Variants in REEP2 observed in about 807,000 individuals in gnomAD.
The protein encoded by REEP2 is receptor expression-enhancing protein 2.
Under a neutral mutation model 32.1 loss-of-function variants are expected in REEP2, and 9 were observed. The observed-to-expected ratio is 0.28, with a 90% CI of 0.17 to 0.49. REEP2 has a LOEUF of 0.49. Ranked by LOEUF, REEP2 falls within the 20% of genes least tolerant of loss-of-function variation. The pLI is 0.99. For missense variants in REEP2, 236 were observed against 338.0 expected (o/e 0.70, Z 2.37); for synonymous variants, 128 against 139.1 (o/e 0.92, Z 0.56).
intron 1 of REEP2, chr5:138,439,613 G>A: frequency 2.1e-6 from 1 of 478,916 alleles, no homozygotes. Context: ...CCCGGGCCCT[G>A]TCCCTCTGGG....
intron 3 of REEP2, among the ~76,000 whole-genome samples, chr5:138,442,379 T>C (rs12514520): frequency 0.29 from 44,002 of 151,990 alleles, 7,167 homozygotes; most frequent in South Asian, 0.42. Flanking sequence ...TTGAGAAAAA[T>C]AGTTTTAGAA....
In REEP2 at chr5:138,441,284, T is replaced by C; in HGVS notation, c.106-101T>C. The stretch of plus-strand genomic sequence containing the variant: ...GCAGGCAGAAGTGGGGTCCTTGGTG[T>C]TCTCCCCAGCCCAGGCATGTTCAAC... On this transcript the variant is annotated intron_variant, in intron 2 of 7. Coordinates refer to ENST00000378339, the MANE Select transcript of REEP2 (RefSeq NM_001271803.2). This position sits in a 1 kb window ranked among gnomAD's most constrained non-coding sequence, Gnocchi z 4.4. 1 of 1,313,250 alleles carries C rather than the reference T, an allele frequency of 7.6e-7. No individual in the cohort carries two copies. Among genetic ancestry groups the C allele is most frequent in the Non-Finnish European group, 1.1e-6 (1 of 908,554 alleles). The allele number at this position is 1,313,250 out of a possible 1,614,324, so 81.3% of individuals were successfully genotyped here. A position where few individuals can be genotyped will look rare whatever the true frequency, so the allele number is the denominator to read the frequency against.
intron 3 of REEP2, among the ~76,000 whole-genome samples, chr5:138,444,015 C>T (rs1763875749): frequency 6.6e-6 from 1 of 151,744 alleles, no homozygotes; most frequent in African/African-American, 2.4e-5. Flanking sequence ...TAGAGAAGTC[C>T]CAGGCCTCTC....
chr5:138,440,295 A>C (rs1167324690), intron 1 of REEP2, among the ~76,000 whole-genome samples: 1 of 152,100 alleles, frequency 6.6e-6, no homozygotes, highest in East Asian at 1.9e-4. Context: ...CACCCATCCC[A>C]GGGGGAATGG....
In REEP2 at chr5:138,445,191, T is replaced by TC. The variant is rs757817604; in HGVS notation, c.418-31dup. 2.5e-4 allele frequency: 384 copies of TC among 1,545,982 alleles called. 2 individuals are homozygous for TC. The highest frequency in any genetic ancestry group is 1.7e-3 in the South Asian group (133 of 80,060). On this transcript the variant is annotated intron_variant, in intron 5 of 7. Transcript: ENST00000378339. ...TGACCTCTATCTCCACCCCGCCCCT[T>TC]CCCCCCGGCTCTCCCGGTGCGTGGT...
In REEP2 at chr5:138,441,248, C is replaced by T; in HGVS notation, c.106-137C>T. 7.9e-7 allele frequency: 1 copy of T among 1,270,368 alleles called. No individual in the cohort carries two copies. The highest frequency in any genetic ancestry group is 1.1e-6 in the Non-Finnish European group (1 of 878,764). 78.7% of individuals were successfully genotyped at this position (1,270,368 alleles called of 1,614,324 possible). On this transcript the variant is annotated intron_variant, in intron 2 of 7. Transcript: ENST00000378339. The surrounding 1 kb of genome is among the most constrained non-coding windows in gnomAD (Gnocchi z 4.4). ...CCCTGGGTGTCCCACACAGCGCCTC[C>T]AACATGGCTGGCAGGCAGAAGTGGG...
At position 138,441,277 on chromosome 5, in the gene REEP2, C is replaced by T; in HGVS notation, c.106-108C>T. 7.8e-7 allele frequency: 1 copy of T among 1,290,224 alleles called. No individual in the cohort carries two copies. The highest frequency in any genetic ancestry group is 1.1e-6 in the Non-Finnish European group (1 of 889,286). 79.9% of individuals were successfully genotyped at this position (1,290,224 alleles called of 1,614,324 possible). On this transcript the variant is annotated intron_variant, in intron 2 of 7. Coordinates refer to ENST00000378339, the MANE Select transcript of REEP2 (RefSeq NM_001271803.2). The surrounding 1 kb of genome is among the most constrained non-coding windows in gnomAD (Gnocchi z 4.4). ...ATGGCTGGCAGGCAGAAGTGGGGTC[C>T]TTGGTGTTCTCCCCAGCCCAGGCAT...
chr5:138,440,880 C>T lies in REEP2; in HGVS notation c.33-136C>T. The stretch of plus-strand genomic sequence containing the variant: ...TGTTCCATGCTGCTTTGACCTTAAC[C>T]CCTGACCTGAGTTCATCAGTCCAGC... On this transcript the variant is annotated intron_variant, in intron 1 of 7. Coordinates refer to ENST00000378339, the MANE Select transcript of REEP2 (RefSeq NM_001271803.2). 3 of 1,508,038 alleles carry T rather than the reference C, an allele frequency of 2.0e-6. No individual in the cohort carries two copies. The South Asian group carries it at 3.8e-5, about 19-fold the overall frequency. 93.4% of individuals were successfully genotyped at this position (1,508,038 alleles called of 1,614,324 possible).
At chr5:138,445,006 A>G in intron 5 of REEP2, 139 bp downstream of exon 5, 2 of 764,316 alleles carry the variant, frequency 2.6e-6, no homozygotes, top group Non-Finnish European at 4.1e-6. Flanking sequence ...TCCAGGCTCT[A>G]CTGCTATCTG....
intron 1 of REEP2, 35 bp from the exon 2 acceptor site, chr5:138,440,981 G>A (rs775763503): frequency 6.2e-7 from 1 of 1,609,444 alleles, no homozygotes; most frequent in Non-Finnish European, 8.5e-7. Flanking sequence ...ACTGCCCTTG[G>A]CTGAGAGGCC....
chr5:138,440,528 TC>T (rs781157682), intron 1 of REEP2, among the ~76,000 whole-genome samples: 17 of 152,114 alleles, frequency 1.1e-4, no homozygotes, highest in African/African-American at 4.1e-4. Context: ...TGCCCTCTGT[TC>T]CCTAGGGCCC....
intron 1 of REEP2, 193 bp from the exon 2 acceptor site, chr5:138,440,823 G>C: frequency 9.4e-7 from 1 of 1,065,246 alleles, no homozygotes; most frequent in Non-Finnish European, 1.3e-6. Context: ...ACAGTGGAGC[G>C]GGGAGGGGGC....
rs1302312874 is a variant in REEP2, at chr5:138,444,768, C to T, written c.318C>T (p.Tyr106=). The T allele has an allele frequency of 1.9e-6, 3 of 1,613,866 alleles. No individual in the cohort carries two copies. The highest frequency in any genetic ancestry group is 2.2e-5 in the South Asian group (2 of 91,072). ...LSNKEKEIDE[Y]ITQARDKSYE... ...CAATCCCATAGGAGATCGACGAGTA[C>T]ATCACGCAGGCCCGAGACAAGAGCT... The change falls in exon 5 of 8, where the codon TAC becomes TAT. Residue 106 remains tyrosine (Y), a synonymous_variant. Transcript: ENST00000378339.
intron 5 of REEP2, 84 bp downstream of exon 5, chr5:138,444,951 C>T (rs1488846271): frequency 1.3e-5 from 13 of 1,009,636 alleles, no homozygotes; most frequent in Non-Finnish European, 1.9e-5. Flanking sequence ...CCACCCTGTA[C>T]TCGGGGCTGT....
rs1038394769 is a variant in REEP2, at chr5:138,439,078, C to T, written c.-131C>T. 2 of 310,968 alleles carry T rather than the reference C, an allele frequency of 6.4e-6. No homozygotes were observed. Among genetic ancestry groups the T allele is most frequent in the African/African-American group, 4.5e-5 (2 of 44,724 alleles). The allele number at this position is 310,968 out of a possible 1,614,324, so 19.3% of individuals were successfully genotyped here. ...CGGCGGCGCTGGGCGCTCCGCTGCC[C>T]CCGCGGCGGCTGCTGCAGCGGCTGC... On this transcript the variant is annotated 5_prime_UTR_variant, in exon 1 of 8. Coordinates refer to ENST00000378339, the MANE Select transcript of REEP2 (RefSeq NM_001271803.2).
In REEP2 at chr5:138,445,420, A is replaced by T. The variant is rs367720372; in HGVS notation, c.565+45A>T. On this transcript the variant is annotated intron_variant, in intron 6 of 7. Transcript: ENST00000378339. Reference sequence around the variant, plus strand: ...TTGGGGTGGGGCCCCAAGGGCAAGGAGTCCAGATGGGAAAGATTCCCCCAC... The same window carrying T: ...TTGGGGTGGGGCCCCAAGGGCAAGGTGTCCAGATGGGAAAGATTCCCCCAC... 4 of 1,613,124 alleles carry T rather than the reference A, an allele frequency of 2.5e-6. No homozygotes were observed. In the African/African-American group the frequency reaches 5.3e-5, roughly 22 times the overall value.
Position 138,445,357 on chromosome 5 carries a change from G to T in REEP2, c.547G>T (p.Asp183Tyr), listed in dbSNP as rs1478455846. ...RLRPSPGSLL[D>Y]TIEDLGDDPA... is the part of the protein sequence containing the mutation. Reference sequence around the variant, plus strand: ...CCGACCCAGCCCTGGCAGCCTCCTGGACACCATCGAGGACTTAGGTACAGG... The same window carrying T: ...CCGACCCAGCCCTGGCAGCCTCCTGTACACCATCGAGGACTTAGGTACAGG... Residue 183 changes from aspartate to tyrosine, a missense_variant, in exon 6 of 8, where the codon GAC (aspartate) becomes TAC (tyrosine). Transcript: ENST00000378339. 1 of 1,613,034 alleles carries T rather than the reference G, an allele frequency of 6.2e-7. No individual in the cohort carries two copies. Among genetic ancestry groups the T allele is most frequent in the South Asian group, 1.1e-5 (1 of 90,960 alleles).
chr5:138,442,717 C>T (rs920088393), intron 3 of REEP2, among the ~76,000 whole-genome samples: 9 of 152,010 alleles, frequency 5.9e-5, no homozygotes, highest in Admixed American at 2.6e-4. Flanking sequence ...AAAAATTAGC[C>T]GGGCGTGGTG....
rs902990281 is a variant in REEP2 at position 138,445,881 on chromosome 5, C to T, written c.*130C>T. Reference sequence around the variant, plus strand: ...CCTGGGCCCCGCAGATGGCCATTTCCGGTGCCTGCCCAGTGGCCACTCTTC... The same window carrying T: ...CCTGGGCCCCGCAGATGGCCATTTCTGGTGCCTGCCCAGTGGCCACTCTTC... On this transcript the variant is annotated 3_prime_UTR_variant, in exon 8 of 8. Transcript: ENST00000378339. 2.1e-5 allele frequency: 18 copies of T among 848,724 alleles called. No homozygotes were observed. The highest frequency in any genetic ancestry group is 5.7e-5 in the Admixed American group (2 of 34,834). The allele number at this position is 848,724 out of a possible 1,614,324, so 52.6% of individuals were successfully genotyped here.
Sources: gnomAD v4.1 joint callset for allele counts (sites outside exome capture counted in the v4.1 genomes callset) on GRCh38, gnomAD v4.1.1 for gene constraint, Gnocchi (gnomAD v3.1) non-coding constraint, MANE v1.5 for transcripts, NCBI Gene and HGNC (gene_info 2026-07-23, HGNC 2026-07-21) for gene names.